The following CTTN variants were observed in gnomAD, a reference collection of about 807,000 sequenced individuals.
The protein encoded by CTTN is cortactin.
CTTN carries 28 observed loss-of-function variants against 84.0 expected under a neutral mutation model. The ratio of observed to expected loss-of-function variants is 0.33; its 90% confidence interval spans 0.25 to 0.46. CTTN has a LOEUF of 0.46. Ranked by LOEUF, CTTN falls within the 20% of genes least tolerant of loss-of-function variation. The probability of loss-of-function intolerance (pLI) is 1.00; values close to 1 mark genes in which losing one functional copy is unlikely to be tolerated. For synonymous variants in CTTN, 301 were observed against 288.8 expected (o/e 1.04, Z -0.43); for missense variants, 641 against 723.8 (o/e 0.89, Z 1.31).
At chr11:70,403,588 A>G (rs1321020999) in intron 1 of CTTN, among the ~76,000 whole-genome samples, 6 of 152,136 alleles carry the variant, frequency 3.9e-5, no homozygotes, top group African/African-American at 1.4e-4. Context: ...ATTTTGTACA[A>G]TTTATTTTTT....
chr11:70,415,805 G>T, intron 7 of CTTN, 88 bp downstream of exon 7: 1 of 1,349,776 alleles, frequency 7.4e-7, no homozygotes, highest in South Asian at 1.2e-5. Flanking sequence ...CCCGCGCTCC[G>T]GGGGCCCTGA....
In CTTN at chr11:70,435,761, A is replaced by G; in HGVS notation, c.*599A>G. 1 of 1,595,994 alleles carries G rather than the reference A, an allele frequency of 6.3e-7. No homozygotes were observed. Among genetic ancestry groups the G allele is most frequent in the African/African-American group, 1.3e-5 (1 of 74,908 alleles). ...CAGGATCAGGTGACTTCTAGCAGAGACCCTGGTTTTTTTCCTGTGCCCACT... is the reference window on the plus strand; with the variant it reads ...CAGGATCAGGTGACTTCTAGCAGAGGCCCTGGTTTTTTTCCTGTGCCCACT... On this transcript the variant is annotated 3_prime_UTR_variant, in exon 18 of 18. Coordinates refer to ENST00000301843, the MANE Select transcript of CTTN (RefSeq NM_005231.4).
In CTTN at chr11:70,416,817, A is replaced by ACC. The variant is rs1476784406; in HGVS notation, c.458-190_458-189dup. On this transcript the variant is annotated intron_variant, in intron 7 of 17. Transcript: ENST00000301843. ...CCTGTAACAGCTGACAGGGCCCAGA[A>ACC]CCCCCCCATGCACCTGTTGTGAAAC... 1.3e-4 allele frequency: 71 copies of ACC among 564,332 alleles called. No homozygotes were observed. In the East Asian group the frequency reaches 2.0e-3, roughly 16 times the overall value. The allele number at this position is 564,332 out of a possible 1,614,324, so 35.0% of individuals were successfully genotyped here.
chr11:70,416,882 T>C lies in CTTN; in HGVS notation c.458-131T>C, dbSNP rs141902583. On this transcript the variant is annotated intron_variant, in intron 7 of 17. Coordinates refer to ENST00000301843, the MANE Select transcript of CTTN (RefSeq NM_005231.4). ...CCTGTATGGAGCAGTGGGTGGCTTG[T>C]TGTACATTTTAAAATGTGCGCTTGA... The C allele has an allele frequency of 8.5e-6, 6 of 710,004 alleles. No individual in the cohort carries two copies. In the East Asian group the frequency reaches 1.3e-4, roughly 15 times the overall value. The allele number at this position is 710,004 out of a possible 1,614,324, so 44.0% of individuals were successfully genotyped here.
Position 70,414,559 on chromosome 11 carries a change from A to T in CTTN, c.309A>T (p.Glu103Asp). ...DRMDKSAVGHEYQSKLSKHCS... is the reference protein window; with the variant it reads ...DRMDKSAVGHDYQSKLSKHCS... ...TGTTCCAGTCAGCTGTCGGCCACGA[A>T]TATCAGTCGAAACTTTCCAAGCACT... The change falls in exon 6 of 18, where the codon GAA (glutamate) becomes GAT (aspartate). Residue 103 changes from glutamate (E) to aspartate (D), a missense_variant. By Grantham distance (45) the Glu-to-Asp change is conservative (BLOSUM62 2). Around this residue, in one of 3 missense-constraint regions of CTTN, gnomAD observed 284 missense variants for 348.4 expected, o/e 0.82. Transcript: ENST00000301843. 1.9e-6 allele frequency: 3 copies of T among 1,614,140 alleles called. No individual in the cohort carries two copies. The highest frequency in any genetic ancestry group is 2.5e-6 in the Non-Finnish European group (3 of 1,179,978).
At position 70,436,188 on chromosome 11, in the gene CTTN, G is replaced by C. The variant is rs2058415389; in HGVS notation, c.*1026G>C. ...TAGTTTGATCAGTTGAAGGCTAGAA[G>C]TGTGAAGTGCAGATGAGTGTGTGTT... is the stretch of plus-strand genomic sequence containing the variant. On this transcript the variant is annotated 3_prime_UTR_variant, in exon 18 of 18. Transcript: ENST00000301843. 1 of 1,524,728 alleles carries C rather than the reference G, an allele frequency of 6.6e-7. No individual in the cohort carries two copies. Among genetic ancestry groups the C allele is most frequent in the Admixed American group, 2.1e-5 (1 of 47,732 alleles). The allele number at this position is 1,524,728 out of a possible 1,614,324, so 94.4% of individuals were successfully genotyped here.
rs1207931700 is a variant in CTTN, at chr11:70,415,874, G to A, written c.457+157G>A. On this transcript the variant is annotated intron_variant, in intron 7 of 17. Coordinates refer to ENST00000301843, the MANE Select transcript of CTTN (RefSeq NM_005231.4). ...TGAGCGGTGGCTGTTGCCACAAGGA[G>A]GACTCTGCCCTCCTCTTCATGTTTC... The A allele has an allele frequency of 1.7e-5, 12 of 695,376 alleles. No individual in the cohort carries two copies. In the East Asian group the frequency reaches 2.8e-4, roughly 16 times the overall value. 43.1% of individuals were successfully genotyped at this position (695,376 alleles called of 1,614,324 possible). A position where few individuals can be genotyped will look rare whatever the true frequency, so the allele number is the denominator to read the frequency against.
chr11:70,422,262 G>A, intron 11 of CTTN: 1 of 348,286 alleles, frequency 2.9e-6, no homozygotes, highest in East Asian at 7.5e-5. Flanking sequence ...TGGAAAAACA[G>A]TAATTCCCTA....
chr11:70,415,800 G>T, intron 7 of CTTN, 83 bp downstream of exon 7: 1 of 1,380,372 alleles, frequency 7.2e-7, no homozygotes, highest in Non-Finnish European at 1.0e-6. Flanking sequence ...GTTTCCCCGC[G>T]CTCCGGGGGC....
chr11:70,436,119 A>G lies in CTTN; in HGVS notation c.*957A>G, dbSNP rs140642420. The G allele has an allele frequency of 3.7e-4, 526 of 1,431,084 alleles. 1 individual carries two copies. In the African/African-American group the frequency reaches 5.1e-3, roughly 14 times the overall value. The allele number at this position is 1,431,084 out of a possible 1,614,324, so 88.6% of individuals were successfully genotyped here. On this transcript the variant is annotated 3_prime_UTR_variant, in exon 18 of 18. Coordinates refer to ENST00000301843, the MANE Select transcript of CTTN (RefSeq NM_005231.4). ...GCCGCCAGGAACCCTCCTCCTGTCA[A>G]TGGGGGTGTAGTATTTTTGCCAAAA... is the stretch of plus-strand genomic sequence containing the variant.
rs200616030 is a variant in CTTN at position 70,435,627 on chromosome 11, G to A, written c.*465G>A. ...GCTTCCTCTAGAGTCTCACTGCTGG[G>A]GAGGAGAGGACTGGGCCTGATGGAA... On this transcript the variant is annotated 3_prime_UTR_variant, in exon 18 of 18. Coordinates refer to ENST00000301843, the MANE Select transcript of CTTN (RefSeq NM_005231.4). The A allele has an allele frequency of 6.9e-6, 11 of 1,593,458 alleles. No individual in the cohort carries two copies. The highest frequency in any genetic ancestry group is 9.3e-6 in the Non-Finnish European group (11 of 1,177,546).
chr11:70,433,600 C>T (rs1462504803), intron 16 of CTTN, 47 bp from the exon 17 acceptor site: 1 of 1,368,038 alleles, frequency 7.3e-7, no homozygotes, highest in Admixed American at 1.7e-5. Flanking sequence ...GGCTGGGAAC[C>T]TGTGTGGGAC....
chr11:70,429,216 G>A lies in CTTN; in HGVS notation c.1176+17G>A. 1 of 1,605,226 alleles carries A rather than the reference G, an allele frequency of 6.2e-7. No individual in the cohort carries two copies. The highest frequency in any genetic ancestry group is 8.5e-7 in the Non-Finnish European group (1 of 1,176,210). On this transcript the variant is annotated intron_variant, in intron 14 of 17. Coordinates refer to ENST00000301843, the MANE Select transcript of CTTN (RefSeq NM_005231.4). The stretch of plus-strand genomic sequence containing the variant: ...AAGCTGGAGGTGAGTGGCAAGGAGT[G>A]GGCCGCAGCGCACCCTCCCTGGGAC...
At position 70,435,245 on chromosome 11, in the gene CTTN, T is replaced by A; in HGVS notation, c.*83T>A. 7.3e-7 allele frequency: 1 copy of A among 1,377,844 alleles called. No homozygotes were observed. Among genetic ancestry groups the A allele is most frequent in the Non-Finnish European group, 9.3e-7 (1 of 1,076,184 alleles). 85.4% of individuals were successfully genotyped at this position (1,377,844 alleles called of 1,614,324 possible). On this transcript the variant is annotated 3_prime_UTR_variant, in exon 18 of 18. Transcript: ENST00000301843. ...TCTTTGGTTCTTGGGTGGTTTTGGG[T>A]TTTTTCTGTTTTTTTTTTTTTTTTT...
At chr11:70,433,073 G>A (rs750421431) in intron 15 of CTTN, 28 bp from the exon 16 acceptor site, 52 of 1,607,540 alleles carry the variant, frequency 3.2e-5, no homozygotes, top group African/African-American at 5.4e-5. Flanking sequence ...CATGGGCCCC[G>A]TGCCATGTGC....
chr11:70,433,794 A>G, intron 17 of CTTN, 76 bp downstream of exon 17: 2 of 928,230 alleles, frequency 2.2e-6, no homozygotes, highest in East Asian at 2.4e-5. Flanking sequence ...CTGAGAATTC[A>G]CTTCTCTAGC....
At chr11:70,422,875 C>G (rs932316152) in intron 11 of CTTN, 65 bp from the exon 12 acceptor site, 2 of 1,610,852 alleles carry the variant, frequency 1.2e-6, no homozygotes, top group Non-Finnish European at 1.7e-6. Flanking sequence ...TGTCTGCATG[C>G]ACCCACGGCC....
At chr11:70,422,388 A>T in intron 11 of CTTN, 1 of 697,962 alleles carries the variant, frequency 1.4e-6, no homozygotes, top group Non-Finnish European at 2.2e-6. Flanking sequence ...TGGAGATGGC[A>T]GTGGCTCTCC....
At chr11:70,410,085 T>C in intron 5 of CTTN, 125 bp downstream of exon 5, 1 of 1,021,986 alleles carries the variant, frequency 9.8e-7, no homozygotes, top group Non-Finnish European at 1.5e-6. Flanking sequence ...GAGGTTGCGA[T>C]TTGCCCGGAG....
Sources: allele counts gnomAD v4.1 joint callset (sites outside exome capture counted in the v4.1 genomes callset), GRCh38; gene constraint gnomAD v4.1.1; regional missense constraint gnomAD v4.1.1; transcripts MANE v1.5; gene names NCBI Gene and HGNC (gene_info 2026-07-23, HGNC 2026-07-21).